Variants in TRNAU1AP observed in about 807,000 individuals in gnomAD.
TRNAU1AP encodes the protein tRNA selenocysteine 1 associated protein 1.
TRNAU1AP carries 33 observed loss-of-function variants against 43.3 expected under a neutral mutation model. The observed-to-expected ratio is 0.76, with a 90% CI of 0.58 to 1.02. The LOEUF (loss-of-function observed/expected upper bound fraction) is 1.02, where lower values mean the gene tolerates loss of function less well. Ranked by LOEUF, TRNAU1AP falls within the 50% of genes least tolerant of loss-of-function variation. TRNAU1AP has a pLI of 0.00. For missense variants in TRNAU1AP, 290 were observed against 362.7 expected (o/e 0.80, Z 1.63); for synonymous variants, 143 against 129.1 (o/e 1.11, Z -0.73).
intron 8 of TRNAU1AP, among the ~76,000 whole-genome samples, chr1:28,577,164 T>C (rs1250341644): frequency 6.6e-6 from 1 of 152,178 alleles, no homozygotes; most frequent in African/African-American, 2.4e-5. Flanking sequence ...TGTCAGTTCT[T>C]GAGATGATGC....
chr1:28,577,503 C>G lies in TRNAU1AP; in HGVS notation c.731C>G (p.Pro244Arg). Residue 244 changes from proline to arginine, a missense_variant, in exon 9 of 9, where the codon CCC becomes CGC. Coordinates refer to ENST00000373830, the MANE Select transcript of TRNAU1AP (RefSeq NM_017846.5). ...CCCATCCTTGCTTGCTTTCCAGACC[C>G]CATGCCACAGCTGGATGTGACTGAG... ...EEVGDDALED[P>R]MPQLDVTEAN... 6.2e-7 allele frequency: 1 copy of G among 1,613,810 alleles called. No individual in the cohort carries two copies. The highest frequency in any genetic ancestry group is 2.2e-5 in the East Asian group (1 of 44,878).
rs1425812617 is a variant in TRNAU1AP, at chr1:28,578,536, T to C, written c.*900T>C. 8.9e-6 allele frequency: 3 copies of C among 337,480 alleles called. No individual in the cohort carries two copies. The highest frequency in any genetic ancestry group is 6.5e-5 in the African/African-American group (3 of 45,834). 20.9% of individuals were successfully genotyped at this position (337,480 alleles called of 1,614,324 possible). On this transcript the variant is annotated 3_prime_UTR_variant, in exon 9 of 9. Transcript: ENST00000373830. ...CTCTACAAAAAAATACAAACACAAA[T>C]ATACTTTTATTAGTCTTTTTATTCT...
chr1:28,559,255 T>C (rs1218081386), intron 2 of TRNAU1AP, among the ~76,000 whole-genome samples: 1 of 152,032 alleles, frequency 6.6e-6, no homozygotes, highest in African/African-American at 2.4e-5. Context: ...GAGTCTCTTT[T>C]AATGTATAAA....
Position 28,571,878 on chromosome 1 carries a change from A to G in TRNAU1AP, c.705A>G (p.Glu235=). The G allele has an allele frequency of 6.2e-7, 1 of 1,613,582 alleles. No homozygotes were observed. The highest frequency in any genetic ancestry group is 2.2e-5 in the East Asian group (1 of 44,882). Residue 235 remains glutamate (E), a synonymous_variant, in exon 8 of 9, where the codon GAA becomes GAG. Coordinates refer to ENST00000373830, the MANE Select transcript of TRNAU1AP (RefSeq NM_017846.5). ...YTQSTMQTYE[E]VGDDALEDPM... Reference sequence around the variant, plus strand: ...TGGTCTCTTGGCAGACATATGAAGAAGTTGGAGATGATGCATTGGAAGGTA... The same window carrying G: ...TGGTCTCTTGGCAGACATATGAAGAGGTTGGAGATGATGCATTGGAAGGTA...
At position 28,578,473 on chromosome 1, in the gene TRNAU1AP, A is replaced by AGAT; in HGVS notation, c.*839_*841dup. On this transcript the variant is annotated 3_prime_UTR_variant, in exon 9 of 9. Transcript: ENST00000373830. ...GCTGGGCATGGTGGCTCACTTTGGG[A>AGAT]GATGGATTGCTTGAGCTCGGGAAGA... is the stretch of plus-strand genomic sequence containing the variant. The AGAT allele has an allele frequency of 3.7e-6, 1 of 268,130 alleles. No individual in the cohort carries two copies. Among genetic ancestry groups the AGAT allele is most frequent in the South Asian group, 3.7e-5 (1 of 27,218 alleles). 16.6% of individuals were successfully genotyped at this position (268,130 alleles called of 1,614,324 possible). A position where few individuals can be genotyped will look rare whatever the true frequency, so the allele number is the denominator to read the frequency against.
Position 28,571,402 on chromosome 1 carries a change from C to G in TRNAU1AP, c.693+64C>G, listed in dbSNP as rs1665659222. ...GTTTCTCCTCTAGAAACAGGTCATT[C>G]TCTAGGATGGGATTGGTAAGGACAG... On this transcript the variant is annotated intron_variant, in intron 7 of 8. Transcript: ENST00000373830. 3.2e-6 allele frequency: 5 copies of G among 1,552,174 alleles called. No individual in the cohort carries two copies. In the Admixed American group the frequency reaches 6.7e-5, roughly 21 times the overall value.
intron 4 of TRNAU1AP, among the ~76,000 whole-genome samples, chr1:28,564,429 G>C (rs1187663147): frequency 6.6e-6 from 1 of 152,150 alleles, no homozygotes; most frequent in African/African-American, 2.4e-5. Flanking sequence ...GAGTGCCTTA[G>C]ATGCACTTCT....
At chr1:28,561,309 T>C (rs749224661) in intron 3 of TRNAU1AP, 37 bp from the exon 4 acceptor site, 1 of 1,613,488 alleles carries the variant, frequency 6.2e-7, no homozygotes, top group East Asian at 2.2e-5. Context: ...TTGAAACACC[T>C]TTCTCTGTTT....
At chr1:28,569,012 T>A (rs1665602056) in intron 6 of TRNAU1AP, among the ~76,000 whole-genome samples, 1 of 152,026 alleles carries the variant, frequency 6.6e-6, no homozygotes, top group Admixed American at 6.6e-5. Flanking sequence ...GGGTTTCACA[T>A]GTTGATCAGG....
At chr1:28,576,835 G>T (rs778373486) in intron 8 of TRNAU1AP, among the ~76,000 whole-genome samples, 2 of 152,174 alleles carry the variant, frequency 1.3e-5, no homozygotes, top group Non-Finnish European at 2.9e-5. Flanking sequence ...CCGACTTCTG[G>T]TGATCTGCCC....
chr1:28,553,287 G>A (rs1238500911), intron 1 of TRNAU1AP, 150 bp downstream of exon 1: 5 of 962,578 alleles, frequency 5.2e-6, no homozygotes, highest in South Asian at 1.8e-5. Context: ...GCGGGTTCCA[G>A]CATCTAAGTG....
intron 3 of TRNAU1AP, 152 bp from the exon 4 acceptor site, chr1:28,561,194 T>G: frequency 1.4e-6 from 2 of 1,468,128 alleles, no homozygotes; most frequent in Non-Finnish European, 1.8e-6. Flanking sequence ...CGGTCATCCG[T>G]GCAACCCCCT....
At chr1:28,553,309 T>C in intron 1 of TRNAU1AP, 172 bp downstream of exon 1, 1 of 827,550 alleles carries the variant, frequency 1.2e-6, no homozygotes, top group Non-Finnish European at 1.9e-6. Flanking sequence ...AGAGGCTGAG[T>C]CCGTGAGGCT....
At chr1:28,558,851 C>T (rs1261242608) in intron 2 of TRNAU1AP, among the ~76,000 whole-genome samples, 1 of 152,146 alleles carries the variant, frequency 6.6e-6, no homozygotes, top group African/African-American at 2.4e-5. Flanking sequence ...AGGCGTGAGC[C>T]ACCGCGCCTG....
In TRNAU1AP at chr1:28,557,454, G is replaced by C. The variant is rs1311806430; in HGVS notation, c.126-3179G>C. On this transcript the variant is annotated intron_variant, in intron 2 of 8. Coordinates refer to ENST00000373830, the MANE Select transcript of TRNAU1AP (RefSeq NM_017846.5). ...AAAAGAAATAAGATATGGAACTCTTGTTTCTTACATGTTTCTTTTTTTTTT... is the reference window on the plus strand; with the variant it reads ...AAAAGAAATAAGATATGGAACTCTTCTTTCTTACATGTTTCTTTTTTTTTT... Among the ~76,000 whole-genome samples, 3 of 136,820 alleles carry C rather than the reference G, an allele frequency of 2.2e-5. No homozygotes were observed. In the Admixed American group the frequency reaches 2.2e-4, roughly 10 times the overall value. 89.8% of individuals were successfully genotyped at this position (136,820 alleles called of 152,430 possible). A position where few individuals can be genotyped will look rare whatever the true frequency, so the allele number is the denominator to read the frequency against.
Position 28,554,221 on chromosome 1 carries a change from CA to C in TRNAU1AP, c.125+490del, listed in dbSNP as rs1221751482. Reference sequence around the variant, plus strand: ...CTCAAAAAAAAAAAAAACAAAAAAACAAAAAACGCAGGACTCAAGCGAGACT... The same window carrying C: ...CTCAAAAAAAAAAAAAACAAAAAAACAAAAACGCAGGACTCAAGCGAGACT... On this transcript the variant is annotated intron_variant, in intron 2 of 8. Transcript: ENST00000373830. Among the ~76,000 whole-genome samples, 335 of 139,990 alleles carry C rather than the reference CA, an allele frequency of 2.4e-3. 5 individuals are homozygous for C. Among genetic ancestry groups the C allele is most frequent in the African/African-American group, 8.9e-3 (300 of 33,678 alleles). 91.8% of individuals were successfully genotyped at this position (139,990 alleles called of 152,430 possible).
chr1:28,559,813 T>G (rs1665365145), intron 2 of TRNAU1AP, among the ~76,000 whole-genome samples: 1 of 152,128 alleles, frequency 6.6e-6, no homozygotes, highest in Non-Finnish European at 1.5e-5. Flanking sequence ...TCACACATGA[T>G]AAAATGCATA....
chr1:28,553,592 G>C, intron 1 of TRNAU1AP, 48 bp from the exon 2 acceptor site: 1 of 1,582,242 alleles, frequency 6.3e-7, no homozygotes, highest in Admixed American at 1.7e-5. Context: ...ACCCGGAGTG[G>C]GAAGCCCGGC....
chr1:28,554,215 A>C (rs1013609875), intron 2 of TRNAU1AP, among the ~76,000 whole-genome samples: 30 of 146,524 alleles, frequency 2.0e-4, no homozygotes, highest in African/African-American at 7.6e-4. Context: ...AAAAAAAACA[A>C]AAAAACAAAA....
Sources: gnomAD v4.1 joint callset for allele counts (sites outside exome capture counted in the v4.1 genomes callset) on GRCh38, gnomAD v4.1.1 for gene constraint, MANE v1.5 for transcripts, NCBI Gene and HGNC (gene_info 2026-07-23, HGNC 2026-07-21) for gene names.